Variants in RHBDD1 observed in about 807,000 individuals in gnomAD.
The protein encoded by RHBDD1 is rhomboid-related protein 4.
Under a neutral mutation model 36.3 loss-of-function variants are expected in RHBDD1, and 38 were observed. The ratio of observed to expected loss-of-function variants is 1.05; its 90% CI spans 0.81 to 1.37. The LOEUF (loss-of-function observed/expected upper bound fraction) is 1.37. RHBDD1 is among the 40% of genes most tolerant of loss of function. The pLI is 0.00. For missense variants in RHBDD1, 393 were observed against 377.6 expected, an observed-to-expected ratio of 1.04 and a Z score of -0.34; for synonymous variants, 151 against 136.5, an observed-to-expected ratio of 1.11 and a Z score of -0.74.
intron 7 of RHBDD1, among the ~76,000 whole-genome samples, chr2:226,912,175 G>T (rs1948566743): frequency 6.6e-6 from 1 of 152,100 alleles, no homozygotes; most frequent in African/African-American, 2.4e-5. Context: ...TATGCCCTAG[G>T]ATGTTTGTGA....
At chr2:226,880,703 A>C (rs1421930048) in intron 5 of RHBDD1, among the ~76,000 whole-genome samples, 1 of 152,238 alleles carries the variant, frequency 6.6e-6, no homozygotes, top group East Asian at 1.9e-4. Context: ...CTGGGGACAC[A>C]TTGAGAACAG....
intron 4 of RHBDD1, 105 bp from the exon 5 acceptor site, chr2:226,867,081 G>T: frequency 8.7e-7 from 1 of 1,148,986 alleles, no homozygotes; most frequent in Non-Finnish European, 1.2e-6. Context: ...CACAAAGTTG[G>T]ATGTAATCGA....
chr2:226,825,225 TG>T, the RHBDD1 span, among the ~76,000 whole-genome samples: 1 of 152,218 alleles, frequency 6.6e-6, no homozygotes, highest in East Asian at 1.9e-4. Flanking sequence ...TTGACAGCTG[TG>T]GTGAAATTTT....
At position 226,867,673 on chromosome 2, in the gene RHBDD1, A is replaced by T. The variant is rs1288085989; in HGVS notation, c.566+355A>T. The T allele has an allele frequency of 1.5e-5, 15 of 982,364 alleles. 1 individual carries two copies. The East Asian group carries it at 1.4e-3, about 89-fold the overall frequency. The allele number at this position is 982,364 out of a possible 1,614,324, so 60.9% of individuals were successfully genotyped here. A position where few individuals can be genotyped will look rare whatever the true frequency, so the allele number is the denominator to read the frequency against. ...ACATAGAAACCACGTAACTATAAAG[A>T]TTAAAAAGCTATAAGGTATGTTGAT... On this transcript the variant is annotated intron_variant, in intron 5 of 8. Coordinates refer to ENST00000392062, the MANE Select transcript of RHBDD1 (RefSeq NM_001167608.3).
chr2:226,885,205 G>A (rs1946106139), intron 5 of RHBDD1, among the ~76,000 whole-genome samples: 1 of 152,002 alleles, frequency 6.6e-6, no homozygotes, highest in African/African-American at 2.4e-5. Flanking sequence ...TGATTAAATG[G>A]GAATTTACAT....
intron 5 of RHBDD1, among the ~76,000 whole-genome samples, chr2:226,900,091 G>T (rs374458730): frequency 5.6e-4 from 86 of 152,292 alleles, no homozygotes; most frequent in African/African-American, 1.9e-3. Context: ...TGGAGTTCAA[G>T]GTATCTATGA....
chr2:226,965,652 G>A (rs1056135643), intron 8 of RHBDD1, among the ~76,000 whole-genome samples: 4 of 152,178 alleles, frequency 2.6e-5, no homozygotes, highest in African/African-American at 9.6e-5. Flanking sequence ...CCACTGGAAA[G>A]TTGAAAGTAG....
At chr2:226,906,299 GT>G (rs1261034749) in intron 5 of RHBDD1, among the ~76,000 whole-genome samples, 2 of 152,180 alleles carry the variant, frequency 1.3e-5, no homozygotes, top group Non-Finnish European at 2.9e-5. Context: ...GGGCATCTCA[GT>G]TCCTTTTGCT....
intron 8 of RHBDD1, among the ~76,000 whole-genome samples, chr2:226,975,952 C>T (rs554452548): frequency 3.2e-4 from 48 of 152,112 alleles, no homozygotes; most frequent in Non-Finnish European, 5.9e-4. Flanking sequence ...TGTTCTGTAT[C>T]TAGATCTGGG....
intron 5 of RHBDD1, among the ~76,000 whole-genome samples, chr2:226,883,925 T>A (rs1945998692): frequency 1.3e-5 from 2 of 152,246 alleles, no homozygotes; most frequent in South Asian, 4.1e-4. Flanking sequence ...CGATTTTTTT[T>A]CTGGCTAATA....
the RHBDD1 span, among the ~76,000 whole-genome samples, chr2:226,811,262 A>G: frequency 6.6e-6 from 1 of 151,994 alleles, no homozygotes; most frequent in African/African-American, 2.4e-5. Flanking sequence ...AAAGCACTTT[A>G]GTCATGCAGG....
chr2:226,830,143 T>C, the RHBDD1 span, among the ~76,000 whole-genome samples: 21 of 152,342 alleles, frequency 1.4e-4, no homozygotes, highest in East Asian at 3.3e-3. Flanking sequence ...AAAATTCTTA[T>C]GTTCAAATTC....
chr2:226,930,518 G>A (rs1293602117), intron 8 of RHBDD1, among the ~76,000 whole-genome samples: 2 of 151,898 alleles, frequency 1.3e-5, no homozygotes, highest in African/African-American at 4.8e-5. Flanking sequence ...TAAATCTTAA[G>A]ACCTGAAACC....
At chr2:226,859,752 A>G (rs564655038) in intron 3 of RHBDD1, among the ~76,000 whole-genome samples, 1 of 152,130 alleles carries the variant, frequency 6.6e-6, no homozygotes, top group African/African-American at 2.4e-5. Context: ...CGGGCAGGGA[A>G]CTGGTGATAT....
chr2:226,978,146 G>A (rs1954926455), intron 8 of RHBDD1, among the ~76,000 whole-genome samples: 1 of 152,088 alleles, frequency 6.6e-6, no homozygotes, highest in African/African-American at 2.4e-5. Flanking sequence ...CCCTTAATCT[G>A]TCTTCAGATC....
chr2:226,963,953 A>G (rs1952426013), intron 8 of RHBDD1, among the ~76,000 whole-genome samples: 1 of 152,108 alleles, frequency 6.6e-6, no homozygotes, highest in African/African-American at 2.4e-5. Flanking sequence ...TTCTTCCCTT[A>G]TCAAAAGCTA....
intron 5 of RHBDD1, among the ~76,000 whole-genome samples, chr2:226,885,027 A>G (rs2125432745): frequency 6.6e-6 from 1 of 152,336 alleles, no homozygotes; most frequent in South Asian, 2.1e-4. Flanking sequence ...AAGGCTATCA[A>G]TAAACAATTT....
intron 8 of RHBDD1, among the ~76,000 whole-genome samples, chr2:226,938,776 CTA>C (rs1484943188): frequency 1.3e-5 from 2 of 152,050 alleles, no homozygotes; most frequent in Non-Finnish European, 2.9e-5. Context: ...CTAACTCATT[CTA>C]TGAGTCCAGC....
chr2:226,983,833 C>G (rs1398117722), intron 8 of RHBDD1, among the ~76,000 whole-genome samples: 1 of 152,128 alleles, frequency 6.6e-6, no homozygotes, highest in Non-Finnish European at 1.5e-5. Flanking sequence ...GTTTGAAACT[C>G]AAGTGGAAGG....
Sources: gnomAD v4.1 joint callset for allele counts (sites outside exome capture counted in the v4.1 genomes callset) on GRCh38, gnomAD v4.1.1 for gene constraint, MANE v1.5 for transcripts, NCBI Gene and HGNC (gene_info 2026-07-23, HGNC 2026-07-21) for gene names.